The following CLPSL1 variants were observed in gnomAD, a reference collection of about 807,000 sequenced individuals.
The protein encoded by CLPSL1 is colipase like 1, also known as colipase-like protein 1.
A neutral mutation model predicts 9.3 loss-of-function variants in CLPSL1; 13 were observed. The ratio of observed to expected loss-of-function variants is 1.40; its 90% CI spans 0.91 to 2.22. CLPSL1 has a LOEUF of 2.22. CLPSL1 is among the 30% of genes most tolerant of loss of function. The pLI is 0.00. For missense variants in CLPSL1, 164 were observed against 146.6 expected, an observed-to-expected ratio of 1.12 and a Z score of -0.61; for synonymous variants, 58 against 56.9, an observed-to-expected ratio of 1.02 and a Z score of -0.08.
intron 1 of CLPSL1, among the ~76,000 whole-genome samples, chr6:35,785,751 C>A (rs560077344): frequency 3.3e-5 from 5 of 151,980 alleles, no homozygotes; most frequent in Admixed American, 1.3e-4. Flanking sequence ...TCTCCTACCC[C>A]ACTCATGCCT....
At chr6:35,790,963 G>A (rs1768173895), downstream of CLPSL1, among the ~76,000 whole-genome samples, 1 of 151,938 alleles carries the variant, frequency 6.6e-6, no homozygotes, top group African/African-American at 2.4e-5. Flanking sequence ...AGGATCACTT[G>A]AGCACCAGGA....
intron 1 of CLPSL1, 125 bp downstream of exon 1, chr6:35,781,334 T>A: frequency 2.9e-6 from 4 of 1,388,836 alleles, no homozygotes; most frequent in Non-Finnish European, 3.8e-6. Context: ...GCAGGGAGTG[T>A]TGGGTGGAAG....
chr6:35,781,182 A>G lies in CLPSL1; in HGVS notation c.72A>G (p.Ser24=). 6.2e-7 allele frequency: 1 copy of G among 1,613,850 alleles called. No individual in the cohort carries two copies. Among genetic ancestry groups the G allele is most frequent in the Non-Finnish European group, 8.5e-7 (1 of 1,179,866 alleles). The change falls in exon 1 of 3, where the codon TCA becomes TCG. Residue 24 remains serine (S), a synonymous_variant. Coordinates refer to ENST00000373861, the MANE Select transcript of CLPSL1 (RefSeq NM_001010886.5). ...TTCTCTTCCTCCTCACCAGGGGCTC[A>G]CTTTCTCCAACAAAATACAACCTTT... is the stretch of plus-strand genomic sequence containing the variant. ...FFFLFLLTRG[S]LSPTKYNLLE...
Position 35,788,012 on chromosome 6 carries a change from GC to G in CLPSL1, c.*3del. On this transcript the variant is annotated 3_prime_UTR_variant, in exon 3 of 3. Coordinates refer to ENST00000373861, the MANE Select transcript of CLPSL1 (RefSeq NM_001010886.5). ...TTGGCTAAGAAAATGTTCTTCTAGT[GC>G]TCCCTCCTTCTTGCTGCCTCCTCCT... is the stretch of plus-strand genomic sequence containing the variant. The G allele has an allele frequency of 6.2e-7, 1 of 1,608,958 alleles. No homozygotes were observed. Among genetic ancestry groups the G allele is most frequent in the Non-Finnish European group, 8.5e-7 (1 of 1,175,652 alleles).
chr6:35,787,120 G>A lies in CLPSL1; in HGVS notation c.222G>A (p.Gln74=), dbSNP rs781695274. The A allele has an allele frequency of 1.9e-6, 3 of 1,611,706 alleles. No individual in the cohort carries two copies. The African/African-American group carries it at 4.0e-5, about 22-fold the overall frequency. Residue 74 remains glutamine (Q), a splice_region_variant and synonymous_variant, in exon 2 of 3, where the codon CAG becomes CAA. Transcript: ENST00000373861. ...KGSEGSLCQT[Q]VFFGQYRACP... Reference sequence around the variant, plus strand: ...CCGAGGGCAGTCTGTGTCAAACGCAGGTGGGTATCGCCGCCCGGGGGGAGC... The same window carrying A: ...CCGAGGGCAGTCTGTGTCAAACGCAAGTGGGTATCGCCGCCCGGGGGGAGC...
chr6:35,793,088 G>A (rs374150166), downstream of CLPSL1, among the ~76,000 whole-genome samples: 1 of 152,274 alleles, frequency 6.6e-6, no homozygotes, highest in Non-Finnish European at 1.5e-5. Context: ...TAGCCACTGA[G>A]ATATGAAGAG....
rs6927363 is a variant in CLPSL1, at chr6:35,787,770, G to A, written c.223-97G>A. ...TCATTTATCCCTGGATCCTGGCTGTGGGCAAGCACATGGGCCCTGGAGCTG... is the reference window on the plus strand; with the variant it reads ...TCATTTATCCCTGGATCCTGGCTGTAGGCAAGCACATGGGCCCTGGAGCTG... On this transcript the variant is annotated intron_variant, in intron 2 of 2. Transcript: ENST00000373861. 4.7e-3 allele frequency: 5,536 copies of A among 1,167,314 alleles called. 138 individuals carry two copies. In the African/African-American group the frequency reaches 0.072, roughly 15 times the overall value. 72.3% of individuals were successfully genotyped at this position (1,167,314 alleles called of 1,614,324 possible). A position where few individuals can be genotyped will look rare whatever the true frequency, so the allele number is the denominator to read the frequency against.
chr6:35,787,498 T>C (rs1768106945), intron 2 of CLPSL1, among the ~76,000 whole-genome samples: 1 of 152,240 alleles, frequency 6.6e-6, no homozygotes. Context: ...CCCCGGGTGT[T>C]CCTGGTGGAG....
downstream of CLPSL1, chr6:35,788,288 G>A (rs1768128374): frequency 4.5e-6 from 2 of 446,820 alleles, no homozygotes; most frequent in Non-Finnish European, 8.3e-6. Flanking sequence ...CCCAGTTGGG[G>A]CATGAATGAA....
Position 35,788,119 on chromosome 6 carries a change from G to A in CLPSL1, c.*109G>A. ...CCTCCACCATGAGTGGAGGGAAGTG[G>A]GGAGTGATTGAAATAAAGAGCTTTT... On this transcript the variant is annotated 3_prime_UTR_variant, in exon 3 of 3. Coordinates refer to ENST00000373861, the MANE Select transcript of CLPSL1 (RefSeq NM_001010886.5). The A allele has an allele frequency of 1.0e-6, 1 of 989,148 alleles. No individual in the cohort carries two copies. Among genetic ancestry groups the A allele is most frequent in the Non-Finnish European group, 1.6e-6 (1 of 622,590 alleles). 61.3% of individuals were successfully genotyped at this position (989,148 alleles called of 1,614,324 possible). A position where few individuals can be genotyped will look rare whatever the true frequency, so the allele number is the denominator to read the frequency against.
intron 1 of CLPSL1, among the ~76,000 whole-genome samples, chr6:35,785,456 C>T (rs545539645): frequency 4.6e-5 from 7 of 152,224 alleles, no homozygotes; most frequent in East Asian, 3.9e-4. Context: ...GGATTACAGG[C>T]GTGAGCCACC....
chr6:35,790,094 T>C (rs536499009), downstream of CLPSL1, among the ~76,000 whole-genome samples: 3 of 152,168 alleles, frequency 2.0e-5, no homozygotes, highest in Non-Finnish European at 4.4e-5. Context: ...ACCTAACTAA[T>C]TTTTAAGATT....
chr6:35,793,425 CA>C (rs10642987), intron 1 of CLPSL1: 13,675 of 400,440 alleles, frequency 0.034, no homozygotes, highest in Middle Eastern at 0.08. Context: ...AACTCTGTCT[CA>C]AAAAAAAAAA....
At chr6:35,791,332 C>T (rs373682258), downstream of CLPSL1, among the ~76,000 whole-genome samples, 7 of 152,246 alleles carry the variant, frequency 4.6e-5, no homozygotes, top group South Asian at 2.1e-4. Context: ...TTTAATAGGC[C>T]GGGCACGGGG....
At chr6:35,787,187 A>T (rs567215656) in intron 2 of CLPSL1, 67 bp downstream of exon 2, 1 of 1,557,074 alleles carries the variant, frequency 6.4e-7, no homozygotes, top group African/African-American at 1.3e-5. Flanking sequence ...GCGGGCCCAG[A>T]TTCCTGGGGA....
chr6:35,792,035 G>A (rs139327534), downstream of CLPSL1, among the ~76,000 whole-genome samples: 409 of 150,948 alleles, frequency 2.7e-3, 1 homozygote, highest in African/African-American at 8.7e-3. Flanking sequence ...GCAGTGAGCC[G>A]AGATCGCACT....
chr6:35,788,633 G>T (rs1329307511), downstream of CLPSL1, among the ~76,000 whole-genome samples: 1 of 152,272 alleles, frequency 6.6e-6, no homozygotes, highest in African/African-American at 2.4e-5. Context: ...AGGTCACACA[G>T]TTGGAAAGTG....
At chr6:35,792,343 T>C (rs1184366131), downstream of CLPSL1, among the ~76,000 whole-genome samples, 13 of 152,332 alleles carry the variant, frequency 8.5e-5, no homozygotes, top group African/African-American at 3.1e-4. Context: ...CTACCTTAAA[T>C]GTGCTCAATC....
At chr6:35,792,200 G>C (rs1045783268), downstream of CLPSL1, among the ~76,000 whole-genome samples, 82 of 152,308 alleles carry the variant, frequency 5.4e-4, no homozygotes, top group African/African-American at 2.0e-3. Flanking sequence ...CTTGAGCCCA[G>C]GATGTCAAGG....
Sources: gnomAD v4.1 joint callset for allele counts (sites outside exome capture counted in the v4.1 genomes callset) on GRCh38, gnomAD v4.1.1 for gene constraint, MANE v1.5 for transcripts, NCBI Gene and HGNC (gene_info 2026-07-23, HGNC 2026-07-21) for gene names.